The following AFF3 variants were observed in gnomAD, a reference collection of about 807,000 sequenced individuals.
AFF3 encodes the protein AF4/FMR2 family member 3.
A neutral mutation model predicts 129.7 loss-of-function variants in AFF3; 32 were observed. The observed-to-expected ratio is 0.25, with a 90% confidence interval of 0.19 to 0.33. The LOEUF is 0.33. AFF3 is among the 10% of genes least tolerant of loss of function. The pLI, the probability that AFF3 is intolerant of heterozygous loss-of-function variation, is 1.00. For synonymous variants in AFF3, 644 were observed against 635.4 expected (o/e 1.01, Z -0.20); for missense variants, 1,373 against 1,592.0 (o/e 0.86, Z 2.34).
rs141566586 is a variant in AFF3 at position 100,015,727 on chromosome 2, T to C, written c.54-6795A>G. On this transcript the variant is annotated intron_variant, in intron 4 of 24. Coordinates refer to ENST00000672756, the MANE Select transcript of AFF3 (RefSeq NM_001386135.1). ...CTGAAAGGCAGAAAGACAGTGAGCA[T>C]GGGACAGAGGCAACTCAGACAGAGA... is the stretch of plus-strand genomic sequence containing the variant. Among the ~76,000 whole-genome samples, 789 of 152,332 alleles carry C rather than the reference T, an allele frequency of 5.2e-3. 8 individuals carry two copies. The highest frequency in any genetic ancestry group is 0.018 in the African/African-American group (738 of 41,584).
At chr2:99,929,844 T>C (rs17023307) in intron 7 of AFF3, among the ~76,000 whole-genome samples, 1,880 of 151,790 alleles carry the variant, frequency 0.012, 31 homozygotes, top group African/African-American at 0.042. Context: ...GAGCATGACA[T>C]TAAAATACAG....
intron 2 of AFF3, among the ~76,000 whole-genome samples, chr2:100,122,072 AAAAT>A (rs1220202923): frequency 1.3e-5 from 2 of 152,158 alleles, no homozygotes; most frequent in East Asian, 1.9e-4. Flanking sequence ...CCGTCTCAAA[AAAAT>A]AAATAAATAA....
chr2:99,866,741 C>T (rs541012690), intron 7 of AFF3, among the ~76,000 whole-genome samples: 49 of 152,076 alleles, frequency 3.2e-4, no homozygotes, highest in African/African-American at 1.0e-3. Context: ...CTTTGGGAGG[C>T]CGAGGCAGGC....
At chr2:99,973,482 G>T (rs1258761696) in intron 7 of AFF3, among the ~76,000 whole-genome samples, 2 of 152,180 alleles carry the variant, frequency 1.3e-5, no homozygotes, top group African/African-American at 4.8e-5. Flanking sequence ...CATAGATTCA[G>T]ATTACCCCTA....
chr2:99,685,234 CT>C (rs1674941950), intron 11 of AFF3, among the ~76,000 whole-genome samples: 3 of 152,230 alleles, frequency 2.0e-5, no homozygotes, highest in African/African-American at 2.4e-5. Flanking sequence ...AGCCACCCCC[CT>C]GGCCTTTCTT....
intron 8 of AFF3, among the ~76,000 whole-genome samples, chr2:99,821,999 A>G (rs1687724361): frequency 6.6e-6 from 1 of 152,132 alleles, no homozygotes; most frequent in African/African-American, 2.4e-5. Flanking sequence ...CAAAAGAAGA[A>G]TTTATTCCTT....
At chr2:99,579,081 A>G (rs1034719695) in intron 17 of AFF3, among the ~76,000 whole-genome samples, 2 of 152,234 alleles carry the variant, frequency 1.3e-5, no homozygotes, top group Non-Finnish European at 2.9e-5. Flanking sequence ...GAAGACCAGA[A>G]GGAGTCAACA....
intron 11 of AFF3, among the ~76,000 whole-genome samples, chr2:99,673,800 G>A (rs778082881): frequency 1.5e-4 from 23 of 152,298 alleles, no homozygotes; most frequent in Non-Finnish European, 2.9e-4. Flanking sequence ...CTTTTGGGGC[G>A]AACTGGGGGG....
chr2:99,818,746 A>G (rs1448306332), intron 8 of AFF3, among the ~76,000 whole-genome samples: 1 of 152,214 alleles, frequency 6.6e-6, no homozygotes, highest in Non-Finnish European at 1.5e-5. Flanking sequence ...CATGATCTAC[A>G]TGATTTTAAA....
chr2:99,664,283 G>A (rs1371357825), intron 12 of AFF3, among the ~76,000 whole-genome samples: 1 of 152,174 alleles, frequency 6.6e-6, no homozygotes, highest in Non-Finnish European at 1.5e-5. Flanking sequence ...GCAACCATAA[G>A]GCTATGCTTC....
At chr2:100,085,659 T>C (rs1249971572) in intron 4 of AFF3, among the ~76,000 whole-genome samples, 1 of 151,324 alleles carries the variant, frequency 6.6e-6, no homozygotes, top group East Asian at 2.0e-4. Flanking sequence ...AATAAGCATT[T>C]AGTTATAGGC....
At chr2:99,975,940 C>G (rs952956585) in intron 7 of AFF3, among the ~76,000 whole-genome samples, 3 of 150,352 alleles carry the variant, frequency 2.0e-5, no homozygotes, top group African/African-American at 7.3e-5. Context: ...ATTCTGAAAG[C>G]AGCATTTCCT....
intron 4 of AFF3, among the ~76,000 whole-genome samples, chr2:100,070,984 A>C (rs1269617106): frequency 2.6e-5 from 4 of 152,212 alleles, no homozygotes; most frequent in Admixed American, 6.5e-5. Flanking sequence ...TTTCAGTATT[A>C]AAATTGCTGA....
At chr2:99,994,748 C>G (rs1464118455) in intron 7 of AFF3, among the ~76,000 whole-genome samples, 1 of 152,158 alleles carries the variant, frequency 6.6e-6, no homozygotes, top group Non-Finnish European at 1.5e-5. Flanking sequence ...GGATGGAGAT[C>G]AAGCCTGGGT....
intron 7 of AFF3, among the ~76,000 whole-genome samples, chr2:99,842,725 TG>T (rs1387211188): frequency 2.0e-5 from 3 of 152,164 alleles, no homozygotes; most frequent in Non-Finnish European, 4.4e-5. Flanking sequence ...AACTATGCTG[TG>T]GGTAAGTGTA....
chr2:99,662,223 C>T (rs1649742279), intron 12 of AFF3, among the ~76,000 whole-genome samples: 1 of 151,844 alleles, frequency 6.6e-6, no homozygotes, highest in African/African-American at 2.4e-5. Flanking sequence ...ATTTGAGTTT[C>T]ACTGATTATG....
chr2:100,073,522 G>A (rs1688363586), intron 4 of AFF3, among the ~76,000 whole-genome samples: 1 of 152,188 alleles, frequency 6.6e-6, no homozygotes, highest in African/African-American at 2.4e-5. Flanking sequence ...TGTCCAGGCT[G>A]TGGGACTTTA....
intron 4 of AFF3, among the ~76,000 whole-genome samples, chr2:100,055,656 A>G (rs1377460064): frequency 1.3e-5 from 2 of 152,120 alleles, no homozygotes; most frequent in African/African-American, 4.8e-5. Context: ...TTTGTCTGTT[A>G]AAGAGCCAGA....
chr2:99,767,732 C>T (rs992486864), intron 8 of AFF3, among the ~76,000 whole-genome samples: 6 of 152,042 alleles, frequency 3.9e-5, no homozygotes, highest in African/African-American at 7.2e-5. Flanking sequence ...CCGAGGCGGG[C>T]GGATCACGAG....
Sources: gnomAD v4.1 joint callset for allele counts (sites outside exome capture counted in the v4.1 genomes callset) on GRCh38, gnomAD v4.1.1 for gene constraint, MANE v1.5 for transcripts, NCBI Gene and HGNC (gene_info 2026-07-23, HGNC 2026-07-21) for gene names.